Variants in CCDC93 observed in about 807,000 individuals in gnomAD.
CCDC93 encodes the protein CCC complex scaffolding subunit CCDC93.
In CCDC93, 61 loss-of-function variants were observed where a neutral mutation model predicts 108.2. The observed-to-expected ratio is 0.56, with a 90% CI of 0.46 to 0.70. The LOEUF is 0.70. CCDC93 is among the 30% of genes least tolerant of loss of function. The pLI, the probability that CCDC93 is intolerant of heterozygous loss-of-function variation, is 0.00. For missense variants in CCDC93, 685 were observed against 764.2 expected, an observed-to-expected ratio of 0.90 and a Z score of 1.22; for synonymous variants, 276 against 260.4, an observed-to-expected ratio of 1.06 and a Z score of -0.58.
At chr2:117,977,167 T>C (rs986365569) in intron 8 of CCDC93, among the ~76,000 whole-genome samples, 4 of 152,142 alleles carry the variant, frequency 2.6e-5, no homozygotes, top group African/African-American at 9.7e-5. Context: ...CTCGATCTCC[T>C]GACAATAACT....
At chr2:117,941,955 T>C (rs745396996) in intron 18 of CCDC93, among the ~76,000 whole-genome samples, 13 of 152,150 alleles carry the variant, frequency 8.5e-5, no homozygotes, top group Non-Finnish European at 1.5e-4. Context: ...GCTGCCTTTC[T>C]TCTGTGCCTG....
At chr2:117,975,025 C>G in intron 9 of CCDC93, 125 bp from the exon 10 acceptor site, 1 of 1,045,236 alleles carries the variant, frequency 9.6e-7, no homozygotes, top group Non-Finnish European at 1.5e-6. Context: ...CTTATGTGAG[C>G]CTCAAAGGCA....
At chr2:117,956,209 G>A (rs1679210275) in intron 12 of CCDC93, among the ~76,000 whole-genome samples, 2 of 152,144 alleles carry the variant, frequency 1.3e-5, no homozygotes, top group South Asian at 4.1e-4. Flanking sequence ...AATAATGATT[G>A]CTGTCTTTTA....
At chr2:117,992,271 C>T (rs1162661160) in intron 6 of CCDC93, among the ~76,000 whole-genome samples, 1 of 152,122 alleles carries the variant, frequency 6.6e-6, no homozygotes, top group East Asian at 1.9e-4. Context: ...GAGACAGGGT[C>T]TCACTCTGCC....
At chr2:117,939,881 C>A (rs17510931) in intron 19 of CCDC93, among the ~76,000 whole-genome samples, 10,567 of 152,192 alleles carry the variant, frequency 0.069, 510 homozygotes, top group Admixed American at 0.11. Context: ...AGCTCACAGG[C>A]CAAGATGCAG....
At chr2:118,004,891 T>C (rs1179708565) in intron 3 of CCDC93, among the ~76,000 whole-genome samples, 2 of 152,172 alleles carry the variant, frequency 1.3e-5, no homozygotes, top group East Asian at 3.8e-4. Context: ...TTTTTTAGAT[T>C]TAGTTCCTTA....
chr2:117,976,999 G>C (rs888845138), intron 8 of CCDC93, among the ~76,000 whole-genome samples: 1 of 149,680 alleles, frequency 6.7e-6, no homozygotes, highest in Non-Finnish European at 1.5e-5. Flanking sequence ...GCAGTGGCGC[G>C]ATCTTGGCTC....
intron 3 of CCDC93, among the ~76,000 whole-genome samples, chr2:118,005,183 T>C (rs1389021294): frequency 3.9e-5 from 6 of 152,110 alleles, no homozygotes; most frequent in Admixed American, 2.0e-4. Context: ...CCCATATCTA[T>C]TAAAAGTATA....
intron 6 of CCDC93, among the ~76,000 whole-genome samples, chr2:117,989,702 T>C (rs1680419654): frequency 6.6e-6 from 1 of 152,338 alleles, no homozygotes; most frequent in Admixed American, 6.5e-5. Flanking sequence ...ATCTGCATAT[T>C]AGGTATAAGC....
At chr2:117,953,707 A>G (rs1038410251) in intron 12 of CCDC93, among the ~76,000 whole-genome samples, 3 of 144,830 alleles carry the variant, frequency 2.1e-5, no homozygotes, top group African/African-American at 7.7e-5. Context: ...TCTGGGCAAC[A>G]AAGTGAGACT....
intron 11 of CCDC93, among the ~76,000 whole-genome samples, chr2:117,973,615 T>A (rs1385955641): frequency 6.6e-6 from 1 of 152,026 alleles, no homozygotes; most frequent in Admixed American, 6.6e-5. Flanking sequence ...AAAGAAAAAA[T>A]GCTCATCCCA....
intron 14 of CCDC93, among the ~76,000 whole-genome samples, chr2:117,948,505 G>A (rs527403325): frequency 5.3e-4 from 81 of 152,230 alleles, no homozygotes; most frequent in African/African-American, 1.8e-3. Context: ...AACTGTATTC[G>A]GGGCATATAC....
chr2:117,956,762 G>A (rs1679230109), intron 12 of CCDC93, among the ~76,000 whole-genome samples: 1 of 152,134 alleles, frequency 6.6e-6, no homozygotes, highest in African/African-American at 2.4e-5. Context: ...TTCAGCTATG[G>A]TAGAACAAAT....
chr2:117,993,485 T>C (rs1415976667), intron 6 of CCDC93, among the ~76,000 whole-genome samples: 1 of 148,550 alleles, frequency 6.7e-6, no homozygotes, highest in Non-Finnish European at 1.5e-5. Context: ...CTGTTTTGAA[T>C]AGGTAATGCA....
chr2:117,948,285 TAA>T, intron 14 of CCDC93, 99 bp from the exon 15 acceptor site: 1 of 771,408 alleles, frequency 1.3e-6, no homozygotes, highest in Non-Finnish European at 2.2e-6. Context: ...ACTCTCCTTT[TAA>T]TTTCCTTTCT....
rs149655638 is a variant in CCDC93 at position 117,940,483 on chromosome 2, G to T, written c.1522+706C>A. Among the ~76,000 whole-genome samples the T allele has an allele frequency of 2.0e-5, 3 of 152,314 alleles. No individual in the cohort carries two copies. In the East Asian group the frequency reaches 5.8e-4, roughly 29 times the overall value. On this transcript the variant is annotated intron_variant, in intron 19 of 23. Transcript: ENST00000376300. ...TTCAGATCAGGAAAGGGGCCTCCAG[G>T]CAGGCCACTCAGACTGGGGAGGAAC...
In CCDC93 at chr2:117,949,369, G is replaced by T. The variant is rs757545240; in HGVS notation, c.1095C>A (p.Asp365Glu). ...TCTTCTCGAGGGCTGCTTGCTCTTT[G>T]TCCAGTTTCTCACTGTAAGTCTTCA... is the stretch of plus-strand genomic sequence containing the variant. ...TELKTYSEKL[D>E]KEQAALEKIE... Residue 365 changes from aspartate to glutamate, a missense_variant, in exon 14 of 24, where the codon GAC becomes GAA. By Grantham distance (45) the Asp-to-Glu change is conservative. Transcript: ENST00000376300. The T allele has an allele frequency of 6.2e-7, 1 of 1,613,658 alleles. No individual in the cohort carries two copies. The highest frequency in any genetic ancestry group is 1.1e-5 in the South Asian group (1 of 91,056).
intron 2 of CCDC93, among the ~76,000 whole-genome samples, chr2:118,007,398 G>A (rs951815184): frequency 5.9e-5 from 9 of 152,226 alleles, no homozygotes; most frequent in South Asian, 2.1e-4. Context: ...AAGGCTGGGC[G>A]CGGTGGCTCA....
At chr2:117,929,259 A>T (rs1678239576) in intron 23 of CCDC93, among the ~76,000 whole-genome samples, 1 of 152,242 alleles carries the variant, frequency 6.6e-6, no homozygotes, top group Admixed American at 6.5e-5. Context: ...TTAAAGTATA[A>T]TAAAAAAAAG....
Sources: gnomAD v4.1 joint callset for allele counts (sites outside exome capture counted in the v4.1 genomes callset) on GRCh38, gnomAD v4.1.1 for gene constraint, MANE v1.5 for transcripts, NCBI Gene and HGNC (gene_info 2026-07-23, HGNC 2026-07-21) for gene names.